The following UBE2U variants were observed in gnomAD, a reference collection of about 807,000 sequenced individuals.
UBE2U encodes the protein ubiquitin conjugating enzyme E2 U.
UBE2U carries 39 observed loss-of-function variants against 41.2 expected under a neutral mutation model. The ratio of observed to expected loss-of-function variants is 0.95; its 90% CI spans 0.73 to 1.24. The LOEUF is 1.24. UBE2U is among the 50% of genes most tolerant of loss of function. The pLI, the probability that UBE2U is intolerant of heterozygous loss-of-function variation, is 0.00. For missense variants in UBE2U, 336 were observed against 363.1 expected (o/e 0.93, Z 0.61); for synonymous variants, 107 against 117.8 (o/e 0.91, Z 0.60).
intron 9 of UBE2U, among the ~76,000 whole-genome samples, chr1:64,264,156 A>C (rs756996687): frequency 3.3e-5 from 5 of 152,238 alleles, no homozygotes; most frequent in African/African-American, 9.6e-5. Flanking sequence ...GAATAGAAAT[A>C]AACCATTTGG....
chr1:64,233,102 G>A (rs1284350283), intron 7 of UBE2U, among the ~76,000 whole-genome samples: 2 of 151,958 alleles, frequency 1.3e-5, no homozygotes, highest in African/African-American at 4.8e-5. Context: ...CCGCCTCCCA[G>A]GTTCACGCCA....
intron 5 of UBE2U, among the ~76,000 whole-genome samples, chr1:64,220,462 C>T (rs752745569): frequency 1.5e-4 from 23 of 152,170 alleles, no homozygotes; most frequent in Non-Finnish European, 2.6e-4. Flanking sequence ...TTCCTTCTTG[C>T]GTGAGCAGTG....
intron 8 of UBE2U, among the ~76,000 whole-genome samples, chr1:64,256,043 T>C (rs1373623693): frequency 6.6e-6 from 1 of 151,744 alleles, no homozygotes; most frequent in East Asian, 1.9e-4. Flanking sequence ...AAGAATAAAA[T>C]ACTAGGAATA....
At chr1:64,229,184 G>A (rs182020081) in intron 6 of UBE2U, among the ~76,000 whole-genome samples, 14 of 151,386 alleles carry the variant, frequency 9.2e-5, no homozygotes, top group African/African-American at 2.7e-4. Flanking sequence ...TAATAGAGAC[G>A]GGGTTTCACC....
intron 3 of UBE2U, among the ~76,000 whole-genome samples, chr1:64,209,773 A>C (rs1408214522): frequency 6.6e-6 from 1 of 151,922 alleles, no homozygotes; most frequent in Non-Finnish European, 1.5e-5. Flanking sequence ...ACTCCTACCA[A>C]AAAGTACATA....
chr1:64,242,639 C>T (rs1644854969), intron 8 of UBE2U, among the ~76,000 whole-genome samples: 1 of 152,106 alleles, frequency 6.6e-6, no homozygotes, highest in African/African-American at 2.4e-5. Context: ...TATCCTTTAA[C>T]ATCATATAGT....
intron 8 of UBE2U, among the ~76,000 whole-genome samples, chr1:64,257,233 C>T (rs765134358): frequency 6.6e-6 from 1 of 152,198 alleles, no homozygotes; most frequent in Non-Finnish European, 1.5e-5. Flanking sequence ...GGCAGAAATA[C>T]TATTTGACTC....
At position 64,203,895 on chromosome 1, in the gene UBE2U, A is replaced by G; in HGVS notation, c.-156A>G. ...AAAGTCATTGTTATATCCCAACTTT[A>G]GAAGCCGCTTATCTTGGTACCGTTC... On this transcript the variant is annotated 5_prime_UTR_variant, in exon 1 of 10. It removes the in-frame stop codon of an upstream open reading frame in the 5' UTR. Transcript: ENST00000371077. 1 of 503,992 alleles carries G rather than the reference A, an allele frequency of 2.0e-6. No individual in the cohort carries two copies. The allele number at this position is 503,992 out of a possible 1,614,324, so 31.2% of individuals were successfully genotyped here.
chr1:64,224,556 C>T (rs572971133), intron 6 of UBE2U, among the ~76,000 whole-genome samples: 1 of 152,186 alleles, frequency 6.6e-6, no homozygotes, highest in Non-Finnish European at 1.5e-5. Context: ...AACCCCGTCT[C>T]TACTAAAAAT....
intron 6 of UBE2U, among the ~76,000 whole-genome samples, chr1:64,232,036 GC>G (rs746054729): frequency 1.3e-5 from 2 of 152,168 alleles, no homozygotes; most frequent in Non-Finnish European, 2.9e-5. Context: ...GGGGAAAGTA[GC>G]ACCCAGGAGT....
intron 7 of UBE2U, among the ~76,000 whole-genome samples, chr1:64,239,615 G>A (rs890380429): frequency 3.3e-5 from 5 of 149,272 alleles, no homozygotes; most frequent in South Asian, 2.1e-4. Flanking sequence ...GAGAACATGC[G>A]GTGTTTGGTT....
rs200327318 is a variant in UBE2U at position 64,210,797 on chromosome 1, G to A, written c.297G>A (p.Trp99Ter). ...ACTTTTTGGACAACCCTGAGAAGTGGAATACAAACTATACATTGAGCAGCA... is the reference window on the plus strand; with the variant it reads ...ACTTTTTGGACAACCCTGAGAAGTGAAATACAAACTATACATTGAGCAGCA... ...CIDFLDNPEK[W>*]NTNYTLSSIL... Residue 99 changes from tryptophan to a stop codon, truncating the protein, a stop_gained, in exon 4 of 10, where the codon TGG becomes TGA. Coordinates refer to ENST00000371077, the MANE Select transcript of UBE2U (RefSeq NM_001366232.2). LOFTEE classifies it high-confidence loss of function. 8 of 1,607,586 alleles carry A rather than the reference G, an allele frequency of 5.0e-6. No homozygotes were observed. The highest frequency in any genetic ancestry group is 6.8e-6 in the Non-Finnish European group (8 of 1,176,124).
At chr1:64,230,048 G>A (rs981478889) in intron 6 of UBE2U, among the ~76,000 whole-genome samples, 1 of 152,124 alleles carries the variant, frequency 6.6e-6, no homozygotes, top group African/African-American at 2.4e-5. Flanking sequence ...CTGGGCTTTA[G>A]AAGAATATTT....
At chr1:64,257,422 T>C (rs1645111283) in intron 8 of UBE2U, among the ~76,000 whole-genome samples, 1 of 152,196 alleles carries the variant, frequency 6.6e-6, no homozygotes, top group African/African-American at 2.4e-5. Context: ...CATGGAATAC[T>C]ATGCAGCCAC....
At chr1:64,241,798 C>T in intron 8 of UBE2U, 65 bp downstream of exon 8, 1 of 1,242,166 alleles carries the variant, frequency 8.1e-7, no homozygotes, top group Non-Finnish European at 1.1e-6. Context: ...CCACTTTCTA[C>T]TATCCAACTT....
At chr1:64,255,193 A>T (rs1449083972) in intron 8 of UBE2U, among the ~76,000 whole-genome samples, 1 of 152,122 alleles carries the variant, frequency 6.6e-6, no homozygotes, top group Non-Finnish European at 1.5e-5. Flanking sequence ...ATTTCTGGAC[A>T]CACACACCTT....
chr1:64,220,611 C>T (rs1177752440), intron 5 of UBE2U, among the ~76,000 whole-genome samples: 2 of 152,086 alleles, frequency 1.3e-5, no homozygotes, highest in African/African-American at 4.8e-5. Context: ...ATTTGCTTTT[C>T]GTTGGTCTCC....
intron 8 of UBE2U, among the ~76,000 whole-genome samples, chr1:64,243,820 T>C (rs892392218): frequency 2.7e-5 from 4 of 150,230 alleles, no homozygotes; most frequent in African/African-American, 9.8e-5. Flanking sequence ...TAGGATTTTG[T>C]CAGTTAAAAA....
intron 7 of UBE2U, among the ~76,000 whole-genome samples, chr1:64,236,979 A>G (rs1171150562): frequency 1.3e-5 from 2 of 152,186 alleles, no homozygotes; most frequent in African/African-American, 4.8e-5. Context: ...CCAGGTGACT[A>G]CAATGTGCAA....
Sources: gnomAD v4.1 joint callset for allele counts (sites outside exome capture counted in the v4.1 genomes callset) on GRCh38, gnomAD v4.1.1 for gene constraint, MANE v1.5 for transcripts, NCBI Gene and HGNC (gene_info 2026-07-23, HGNC 2026-07-21) for gene names.